Variants in WDR62 observed in about 807,000 individuals in gnomAD.
The protein encoded by WDR62 is WD repeat-containing protein 62.
WDR62 carries 112 observed loss-of-function variants against 160.6 expected under a neutral mutation model. That is an observed-to-expected ratio of 0.70 (90% CI 0.60 to 0.82). The LOEUF (loss-of-function observed/expected upper bound fraction) is 0.82. WDR62 is among the 40% of genes least tolerant of loss of function. The probability of loss-of-function intolerance (pLI) is 0.00; values close to 1 mark genes in which losing one functional copy is unlikely to be tolerated. For missense variants in WDR62, 1,819 were observed against 1,983.8 expected, an observed-to-expected ratio of 0.92 and a Z score of 1.58; for synonymous variants, 792 against 815.1, an observed-to-expected ratio of 0.97 and a Z score of 0.48.
intron 2 of WDR62, 120 bp from the exon 3 acceptor site, chr19:36,059,848 G>A: frequency 1.0e-6 from 1 of 995,972 alleles, no homozygotes; most frequent in Non-Finnish European, 1.6e-6. Flanking sequence ...GGGGGAGGAG[G>A]AGGAGACCAG....
chr19:36,060,328 G>A (rs1248869987), intron 3 of WDR62: 4 of 447,910 alleles, frequency 8.9e-6, no homozygotes, highest in Non-Finnish European at 1.2e-5. Context: ...GGGCAGGTTT[G>A]TGGGCAGAGA....
Position 36,104,615 on chromosome 19 carries a change from G to A in WDR62, c.4251G>A (p.Val1417=), listed in dbSNP as rs1212906969. Residue 1417 remains valine (V), a synonymous_variant, in exon 31 of 32, where the codon GTG becomes GTA. Coordinates refer to ENST00000401500, the MANE Select transcript of WDR62 (RefSeq NM_001083961.2). ...LPPSPLELSR[V]GNILHRLQTT... Reference sequence around the variant, plus strand: ...CATCTCCCCTTGAGCTGAGCAGGGTGGGGAACATCTTGCACAGGCTGCAGA... The same window carrying A: ...CATCTCCCCTTGAGCTGAGCAGGGTAGGGAACATCTTGCACAGGCTGCAGA... 3.1e-6 allele frequency: 5 copies of A among 1,614,096 alleles called. No individual in the cohort carries two copies. The South Asian group carries it at 3.3e-5, about 11-fold the overall frequency.
intron 20 of WDR62, among the ~76,000 whole-genome samples, 169 bp downstream of exon 20, chr19:36,094,333 C>T (rs1972824757): frequency 6.6e-6 from 1 of 152,090 alleles, no homozygotes; most frequent in South Asian, 2.1e-4. Context: ...GTGGGTGGAT[C>T]ACCTGAGGTC....
intron 13 of WDR62, among the ~76,000 whole-genome samples, chr19:36,087,498 G>A (rs1173434207): frequency 3.4e-5 from 5 of 148,680 alleles, no homozygotes; most frequent in Admixed American, 2.0e-4. Flanking sequence ...GTGACAATGC[G>A]AGACTTTGTC....
rs755558753 is a variant in WDR62, at chr19:36,103,576, C to G, written c.3748C>G (p.Arg1250Gly). ...PIVATLAQPL[R>G]RPSSVGELAS... ...CGTGGCCACACTGGCCCAGCCCCTC[C>G]GTAGGCCATCGTCCGTTGGGGAGCT... The change falls in exon 30 of 32, where the codon CGT (arginine) becomes GGT (glycine). Residue 1250 changes from arginine (R) to glycine (G), a missense_variant. This residue lies in a region of WDR62 where 770 missense variants were observed against 734.2 expected (regional missense o/e 1.05). Coordinates refer to ENST00000401500, the MANE Select transcript of WDR62 (RefSeq NM_001083961.2). The G allele has an allele frequency of 6.8e-6, 11 of 1,613,642 alleles. No individual in the cohort carries two copies. The highest frequency in any genetic ancestry group is 8.5e-6 in the Non-Finnish European group (10 of 1,180,040).
intron 1 of WDR62, among the ~76,000 whole-genome samples, chr19:36,057,730 T>C (rs1370952340): frequency 6.6e-6 from 1 of 152,244 alleles, no homozygotes; most frequent in African/African-American, 2.4e-5. Context: ...TTGGCCAGGA[T>C]GGTCTCAAAC....
At chr19:36,057,810 G>A (rs1970444582) in intron 1 of WDR62, among the ~76,000 whole-genome samples, 1 of 152,128 alleles carries the variant, frequency 6.6e-6, no homozygotes, top group Non-Finnish European at 1.5e-5. Context: ...TTTTTTACTC[G>A]TTGAAACCGC....
downstream of WDR62, among the ~76,000 whole-genome samples, chr19:36,107,048 T>C (rs1367911566): frequency 1.3e-5 from 2 of 152,162 alleles, no homozygotes; most frequent in Non-Finnish European, 2.9e-5. Flanking sequence ...CTGTCATGCA[T>C]GGAATTACCC....
At chr19:36,096,962 G>A (rs1008922100) in intron 20 of WDR62, 65 bp from the exon 21 acceptor site, 20 of 1,488,482 alleles carry the variant, frequency 1.3e-5, no homozygotes, top group Non-Finnish European at 1.7e-5. Context: ...GGGACTGCCC[G>A]GTTATGTATG....
Position 36,071,634 on chromosome 19 carries a change from C to G in WDR62, c.961C>G (p.Gln321Glu). 3.1e-6 allele frequency: 5 copies of G among 1,614,254 alleles called. No homozygotes were observed. The highest frequency in any genetic ancestry group is 4.2e-6 in the Non-Finnish European group (5 of 1,180,050). The change falls in exon 8 of 32, where the codon CAG becomes GAG. Residue 321 changes from glutamine to glutamate, a missense_variant. Coordinates refer to ENST00000401500, the MANE Select transcript of WDR62 (RefSeq NM_001083961.2). The part of the protein sequence containing the change: ...GCTDGIVRIF[Q>E]AHSLHYLANL... ...CACAGATGGGATAGTCCGCATCTTC[C>G]AGGCCCATAGCCTGCACTACCTCGC...
At chr19:36,106,079 C>T (rs1347349945), downstream of WDR62, among the ~76,000 whole-genome samples, 1 of 152,206 alleles carries the variant, frequency 6.6e-6, no homozygotes, top group Non-Finnish European at 1.5e-5. Context: ...TGGCAGCAGG[C>T]CCAGGCCACG....
chr19:36,077,842 C>T (rs1343283151), intron 9 of WDR62, among the ~76,000 whole-genome samples: 1 of 151,940 alleles, frequency 6.6e-6, no homozygotes. Context: ...GTGATCTGCC[C>T]GCCTCAGCCT....
intron 26 of WDR62, 84 bp downstream of exon 26, chr19:36,102,235 G>A: frequency 6.3e-7 from 1 of 1,593,964 alleles, no homozygotes; most frequent in Non-Finnish European, 8.6e-7. Flanking sequence ...TGGCTCCCCA[G>A]CAGGGCCAGG....
At chr19:36,070,042 A>AGGAGAG (rs1346432145) in intron 7 of WDR62, among the ~76,000 whole-genome samples, 4 of 127,792 alleles carry the variant, frequency 3.1e-5, no homozygotes, top group Non-Finnish European at 7.0e-5. Flanking sequence ...CGTGGGGAGA[A>AGGAGAG]GGAGAGGGAG....
At chr19:36,064,509 G>C (rs1415398248) in intron 3 of WDR62, among the ~76,000 whole-genome samples, 2 of 152,122 alleles carry the variant, frequency 1.3e-5, no homozygotes, top group African/African-American at 2.4e-5. Context: ...TCGATCTCCT[G>C]ACCTTGTGAT....
intron 13 of WDR62, among the ~76,000 whole-genome samples, chr19:36,087,443 G>T (rs1330253506): frequency 1.3e-5 from 2 of 151,366 alleles, no homozygotes; most frequent in East Asian, 1.9e-4. Context: ...GGAGGCGGAG[G>T]TTGCAGTGAG....
At chr19:36,059,569 A>C (rs1970538476) in intron 2 of WDR62, among the ~76,000 whole-genome samples, 1 of 152,086 alleles carries the variant, frequency 6.6e-6, no homozygotes, top group African/African-American at 2.4e-5. Flanking sequence ...CCTCCCATGT[A>C]GCTGGGACTA....
chr19:36,080,686 C>T (rs1323212179), intron 9 of WDR62, among the ~76,000 whole-genome samples: 1 of 151,816 alleles, frequency 6.6e-6, no homozygotes, highest in Admixed American at 6.6e-5. Flanking sequence ...AACTCCTGAC[C>T]TCAGGTGATC....
intron 21 of WDR62, among the ~76,000 whole-genome samples, chr19:36,098,634 C>T (rs1250819296): frequency 6.6e-6 from 1 of 151,792 alleles, no homozygotes; most frequent in Non-Finnish European, 1.5e-5. Flanking sequence ...AAGGATGATC[C>T]CAAGGTTGGG....
Sources: gnomAD v4.1 joint callset for allele counts (sites outside exome capture counted in the v4.1 genomes callset) on GRCh38, gnomAD v4.1.1 for gene constraint, gnomAD v4.1.1 regional missense constraint, MANE v1.5 for transcripts, NCBI Gene and HGNC (gene_info 2026-07-23, HGNC 2026-07-21) for gene names.